Variants in TBCEL observed in about 807,000 individuals in gnomAD.
TBCEL encodes the protein tubulin folding cofactor E like, also known as tubulin-specific chaperone cofactor E-like protein.
TBCEL carries 15 observed loss-of-function variants against 44.2 expected under a neutral mutation model. That is an observed-to-expected ratio of 0.34 (90% confidence interval 0.23 to 0.52). TBCEL has a LOEUF of 0.52. Among genes scored for constraint, TBCEL ranks in the 20% least tolerant of loss-of-function variants. The probability of loss-of-function intolerance (pLI) is 0.95; values close to 1 mark genes in which losing one functional copy is unlikely to be tolerated. For missense variants in TBCEL, 319 were observed against 506.3 expected, an observed-to-expected ratio of 0.63 and a Z score of 3.55; for synonymous variants, 171 against 185.4, an observed-to-expected ratio of 0.92 and a Z score of 0.63.
At chr11:121,050,383 G>T (rs892254926) in intron 4 of TBCEL, among the ~76,000 whole-genome samples, 1 of 151,688 alleles carries the variant, frequency 6.6e-6, no homozygotes, top group Non-Finnish European at 1.5e-5. Flanking sequence ...AATATTATAG[G>T]TTATGAGTAA....
chr11:121,042,773 A>T (rs1281087249), intron 2 of TBCEL, among the ~76,000 whole-genome samples: 1 of 152,162 alleles, frequency 6.6e-6, no homozygotes, highest in Non-Finnish European at 1.5e-5. Context: ...GAAATGAGCC[A>T]AGTTTAACAA....
intron 8 of TBCEL, among the ~76,000 whole-genome samples, chr11:121,085,650 A>G (rs531761962): frequency 4.6e-5 from 7 of 152,268 alleles, no homozygotes; most frequent in Admixed American, 4.6e-4. Flanking sequence ...GATTACTTCC[A>G]TCTCTAAGCA....
chr11:121,029,841 A>G (rs1270342603), intron 1 of TBCEL, among the ~76,000 whole-genome samples: 1 of 152,184 alleles, frequency 6.6e-6, no homozygotes, highest in Non-Finnish European at 1.5e-5. Context: ...CTTCATGTCT[A>G]TTGATAATGA....
At chr11:121,028,823 C>T (rs535321533) in intron 1 of TBCEL, among the ~76,000 whole-genome samples, 53 of 152,230 alleles carry the variant, frequency 3.5e-4, no homozygotes, top group Non-Finnish European at 7.5e-4. Flanking sequence ...GATTGTGGCC[C>T]TATGTGGTGT....
chr11:121,074,085 TCTA>T (rs1444964883), intron 8 of TBCEL, among the ~76,000 whole-genome samples: 2 of 151,998 alleles, frequency 1.3e-5, no homozygotes, highest in African/African-American at 2.4e-5. Context: ...TCATATTTTC[TCTA>T]CTAAGTAACT....
intron 1 of TBCEL, among the ~76,000 whole-genome samples, 158 bp downstream of exon 1, chr11:121,024,449 G>A (rs1039853852): frequency 3.3e-5 from 5 of 151,870 alleles, no homozygotes; most frequent in African/African-American, 1.2e-4. Context: ...CAGCTGTGGG[G>A]ATGGGAGACC....
At chr11:121,049,023 G>A (rs1425256013) in intron 4 of TBCEL, among the ~76,000 whole-genome samples, 1 of 151,870 alleles carries the variant, frequency 6.6e-6, no homozygotes, top group East Asian at 1.9e-4. Context: ...TCACAGTCTT[G>A]TATAATGACT....
chr11:121,070,275 C>G lies in TBCEL; in HGVS notation c.956+10190C>G, dbSNP rs558291792. ...TGGTGGGAGTGTAAACTAGTTCAAC[C>G]ATTGTGGAAGACAGTGTGGCGATTC... On this transcript the variant is annotated intron_variant, in intron 8 of 8. Transcript: ENST00000683345. Among the ~76,000 whole-genome samples the G allele has an allele frequency of 4.7e-3, 715 of 152,258 alleles. 5 individuals carry two copies. Among genetic ancestry groups the G allele is most frequent in the Middle Eastern group, 0.017 (5 of 294 alleles).
chr11:121,031,095 C>A (rs1945135176), intron 1 of TBCEL, among the ~76,000 whole-genome samples: 1 of 152,142 alleles, frequency 6.6e-6, no homozygotes, highest in African/African-American at 2.4e-5. Context: ...TGCATTCCCC[C>A]CCACCGCAAT....
intron 8 of TBCEL, among the ~76,000 whole-genome samples, chr11:121,067,584 G>A (rs1945843467): frequency 6.7e-6 from 1 of 148,530 alleles, no homozygotes; most frequent in Non-Finnish European, 1.5e-5. Flanking sequence ...CTGATTCTTG[G>A]CCTTTGACCA....
At position 121,055,225 on chromosome 11, in the gene TBCEL, A is replaced by G. The variant is rs746715372; in HGVS notation, c.629A>G (p.Asn210Ser). ...CTGGATACCCTCGTCCTGGCCAACA[A>G]TCATTTGAATGCTATTGAGGAGCCT... ...PSLDTLVLAN[N>S]HLNAIEEPDD... is the part of the protein sequence containing the mutation. The change falls in exon 6 of 9, where the codon AAT becomes AGT. Residue 210 changes from asparagine (N) to serine (S), a missense_variant. Coordinates refer to ENST00000683345, the MANE Select transcript of TBCEL (RefSeq NM_001363644.2). 2 of 1,612,246 alleles carry G rather than the reference A, an allele frequency of 1.2e-6. No individual in the cohort carries two copies. Among genetic ancestry groups the G allele is most frequent in the Non-Finnish European group, 8.5e-7 (1 of 1,178,964 alleles).
At chr11:121,052,444 T>G (rs1945545295) in intron 4 of TBCEL, among the ~76,000 whole-genome samples, 1 of 151,856 alleles carries the variant, frequency 6.6e-6, no homozygotes, top group South Asian at 2.1e-4. Context: ...TTGTCTGAAA[T>G]CACACAGCTA....
intron 1 of TBCEL, among the ~76,000 whole-genome samples, chr11:121,024,823 G>T (rs1050786117): frequency 1.3e-5 from 2 of 152,190 alleles, no homozygotes; most frequent in Non-Finnish European, 2.9e-5. Flanking sequence ...TCTTACCAGG[G>T]GCTGATAAAA....
chr11:121,057,332 A>G (rs1174448754), intron 6 of TBCEL, among the ~76,000 whole-genome samples: 1 of 151,898 alleles, frequency 6.6e-6, no homozygotes, highest in Non-Finnish European at 1.5e-5. Context: ...TTATTATAGA[A>G]AAATTTTTCC....
At chr11:121,072,720 A>T (rs1040019085) in intron 8 of TBCEL, among the ~76,000 whole-genome samples, 12 of 152,104 alleles carry the variant, frequency 7.9e-5, no homozygotes, top group Admixed American at 2.0e-4. Flanking sequence ...TAAAATTTTA[A>T]TGTCTGATTT....
chr11:121,054,837 C>G (rs1347440399), intron 5 of TBCEL: 1 of 423,678 alleles, frequency 2.4e-6, no homozygotes, highest in Non-Finnish European at 4.0e-6. Flanking sequence ...TTCGCACTAC[C>G]TTATATCATT....
chr11:121,080,403 G>GAAATATCCCAGAA, intron 8 of TBCEL, among the ~76,000 whole-genome samples: 1 of 152,208 alleles, frequency 6.6e-6, no homozygotes, highest in East Asian at 1.9e-4. Flanking sequence ...GTATTTCTGG[G>GAAATATCCCAGAA]ATATTTATGA....
intron 3 of TBCEL, 98 bp from the exon 4 acceptor site, chr11:121,047,430 C>A: frequency 7.1e-7 from 1 of 1,399,580 alleles, no homozygotes. Flanking sequence ...TAATTTCACA[C>A]AGTTTGATTT....
chr11:121,052,690 G>A (rs1418184200), intron 4 of TBCEL, among the ~76,000 whole-genome samples: 2 of 151,760 alleles, frequency 1.3e-5, no homozygotes, highest in Non-Finnish European at 2.9e-5. Flanking sequence ...TATTTATGAT[G>A]TATAAATATG....
Sources: gnomAD v4.1 joint callset for allele counts (sites outside exome capture counted in the v4.1 genomes callset) on GRCh38, gnomAD v4.1.1 for gene constraint, MANE v1.5 for transcripts, NCBI Gene and HGNC (gene_info 2026-07-23, HGNC 2026-07-21) for gene names.